Variants in LONP2 observed in about 807,000 individuals in gnomAD.
The protein encoded by LONP2 is lon protease homolog 2, peroxisomal.
Under a neutral mutation model 85.6 loss-of-function variants are expected in LONP2, and 60 were observed. The ratio of observed to expected loss-of-function variants is 0.70; its 90% CI spans 0.57 to 0.87. LONP2 has a LOEUF of 0.87. Among genes scored for constraint, LONP2 ranks in the 40% least tolerant of loss-of-function variants. The probability of loss-of-function intolerance (pLI) is 0.00; values close to 1 mark genes in which losing one functional copy is unlikely to be tolerated. For missense variants in LONP2, 860 were observed against 1,063.5 expected, an observed-to-expected ratio of 0.81 and a Z score of 2.66; for synonymous variants, 395 against 389.7, an observed-to-expected ratio of 1.01 and a Z score of -0.16.
chr16:48,321,586 T>G (rs1157214691), intron 11 of LONP2, among the ~76,000 whole-genome samples: 1 of 152,208 alleles, frequency 6.6e-6, no homozygotes, highest in Non-Finnish European at 1.5e-5. Context: ...TAGAGTGTAC[T>G]TACACAAACC....
Position 48,252,285 on chromosome 16 carries a change from C to G in LONP2, c.388C>G (p.Leu130Val). The stretch of plus-strand genomic sequence containing the variant: ...TGCTGAAGTGGAGCAGTTGGACCGA[C>G]TTGAGGAGTTTCCCAACACCTGTAA... ...PIAEVEQLDRLEEFPNTCKMR... is the reference protein window; with the variant it reads ...PIAEVEQLDRVEEFPNTCKMR... Residue 130 changes from leucine to valine, a missense_variant, in exon 2 of 15, where the codon CTT becomes GTT. Coordinates refer to ENST00000285737, the MANE Select transcript of LONP2 (RefSeq NM_031490.5). The G allele has an allele frequency of 1.9e-6, 3 of 1,614,120 alleles. No homozygotes were observed. The highest frequency in any genetic ancestry group is 1.7e-6 in the Non-Finnish European group (2 of 1,180,000).
intron 11 of LONP2, among the ~76,000 whole-genome samples, chr16:48,307,207 G>A (rs1257790691): frequency 6.6e-6 from 1 of 152,206 alleles, no homozygotes; most frequent in African/African-American, 2.4e-5. Flanking sequence ...TATGGTTTCA[G>A]TCACTTACCT....
intron 9 of LONP2, among the ~76,000 whole-genome samples, chr16:48,298,626 GGTGTGT>G (rs3138605): frequency 0.039 from 5,271 of 134,350 alleles, 102 homozygotes; most frequent in African/African-American, 0.054. Context: ...ATTTAATTGA[GGTGTGT>G]GTGTGTGTGT....
chr16:48,261,485 A>G lies in LONP2; in HGVS notation c.785A>G (p.Asp262Gly). The G allele has an allele frequency of 1.2e-6, 2 of 1,608,952 alleles. No homozygotes were observed. Among genetic ancestry groups the G allele is most frequent in the Non-Finnish European group, 1.7e-6 (2 of 1,177,002 alleles). Reference sequence around the variant, plus strand: ...ATCTCAGGTACTTTAGAAGATGAAGATGAAGATGAAGATAATGATGACATT... The same window carrying G: ...ATCTCAGGTACTTTAGAAGATGAAGGTGAAGATGAAGATAATGATGACATT... ...THISGTLEDEDEDEDNDDIVM... is the reference protein window; with the variant it reads ...THISGTLEDEGEDEDNDDIVM... The change falls in exon 5 of 15, where the codon GAT (aspartate) becomes GGT (glycine). Residue 262 changes from aspartate to glycine, a missense_variant. By Grantham distance (94) the Asp-to-Gly change is moderately conservative. Around this residue, in one of 3 missense-constraint regions of LONP2, gnomAD observed 743 missense variants for 917.3 expected, o/e 0.81. Transcript: ENST00000285737.
At chr16:48,292,437 G>T (rs1359698473) in intron 8 of LONP2, among the ~76,000 whole-genome samples, 1 of 152,156 alleles carries the variant, frequency 6.6e-6, no homozygotes, top group Non-Finnish European at 1.5e-5. Flanking sequence ...GCAGTTCCCA[G>T]CTTGTCTCTT....
At chr16:48,272,507 T>C (rs1271351964) in intron 7 of LONP2, among the ~76,000 whole-genome samples, 2 of 152,158 alleles carry the variant, frequency 1.3e-5, no homozygotes, top group African/African-American at 4.8e-5. Flanking sequence ...ATTAAGAAAA[T>C]TGAGTCTGAA....
chr16:48,321,289 T>G (rs1375791475), intron 11 of LONP2, among the ~76,000 whole-genome samples: 1 of 152,212 alleles, frequency 6.6e-6, no homozygotes, highest in Non-Finnish European at 1.5e-5. Context: ...TTACAAAAGG[T>G]CTCTGCATTT....
At position 48,318,451 on chromosome 16, in the gene LONP2, G is replaced by A. The variant is rs527280894; in HGVS notation, c.1795+15146G>A. On this transcript the variant is annotated intron_variant, in intron 11 of 14. Transcript: ENST00000285737. ...GGAGGATCATTTGAACCTGGGAGGCGGGGATTGCAGTGAGCCGAGATCACA... is the reference window on the plus strand; with the variant it reads ...GGAGGATCATTTGAACCTGGGAGGCAGGGATTGCAGTGAGCCGAGATCACA... 5.9e-5 allele frequency among the ~76,000 whole-genome samples: 9 copies of A among 151,316 alleles called. No homozygotes were observed. The East Asian group carries it at 7.8e-4, about 13-fold the overall frequency.
At chr16:48,347,370 A>T (rs1959997357) in intron 12 of LONP2, 137 bp from the exon 13 acceptor site, 1 of 752,386 alleles carries the variant, frequency 1.3e-6, no homozygotes, top group Non-Finnish European at 2.3e-6. Context: ...TGTGACGCAG[A>T]ATCATGTTAG....
chr16:48,250,972 T>G (rs1971631095), intron 1 of LONP2, among the ~76,000 whole-genome samples: 1 of 152,236 alleles, frequency 6.6e-6, no homozygotes, highest in Non-Finnish European at 1.5e-5. Context: ...TTAAATCAGT[T>G]TTTATTGTAA....
At chr16:48,327,097 T>C (rs946607752) in intron 11 of LONP2, among the ~76,000 whole-genome samples, 6 of 152,236 alleles carry the variant, frequency 3.9e-5, no homozygotes, top group Non-Finnish European at 8.8e-5. Context: ...CCACAGTCCA[T>C]GCTGTGAGTG....
intron 11 of LONP2, among the ~76,000 whole-genome samples, chr16:48,331,566 CTTTT>C (rs1022632125): frequency 1.4e-5 from 2 of 139,888 alleles, no homozygotes; most frequent in African/African-American, 2.6e-5. Context: ...AAAGGATTTT[CTTTT>C]TTTTTTTTTT....
chr16:48,255,868 G>A (rs1390550086), intron 2 of LONP2, among the ~76,000 whole-genome samples: 2 of 152,098 alleles, frequency 1.3e-5, no homozygotes, highest in African/African-American at 4.8e-5. Context: ...GTGGAACTGT[G>A]AGTCCATTAA....
At chr16:48,333,641 C>T (rs1232486916) in intron 11 of LONP2, among the ~76,000 whole-genome samples, 1 of 136,566 alleles carries the variant, frequency 7.3e-6, no homozygotes, top group African/African-American at 2.8e-5. Context: ...GCACTAGACA[C>T]CATCTCAAAA....
chr16:48,347,129 T>A (rs1959990002), intron 12 of LONP2, among the ~76,000 whole-genome samples: 1 of 152,164 alleles, frequency 6.6e-6, no homozygotes, highest in South Asian at 2.1e-4. Context: ...ACTTCAAGCC[T>A]GGGCAATGGA....
At chr16:48,281,613 A>G (rs1437729408) in intron 8 of LONP2, among the ~76,000 whole-genome samples, 4 of 152,336 alleles carry the variant, frequency 2.6e-5, no homozygotes, top group Admixed American at 1.3e-4. Flanking sequence ...ATATGAATGC[A>G]TATCTCAAAT....
At position 48,277,489 on chromosome 16, in the gene LONP2, G is replaced by A. The variant is rs2150982444; in HGVS notation, c.1383+10G>A. 1 of 1,611,844 alleles carries A rather than the reference G, an allele frequency of 6.2e-7. No homozygotes were observed. Among genetic ancestry groups the A allele is most frequent in the Non-Finnish European group, 8.5e-7 (1 of 1,178,904 alleles). ...AGCAGCTCTGCTTGAGGTAAGATTT[G>A]GAAAATTCCCTGTCTGTCTTCATAC... On this transcript the variant is annotated intron_variant, in intron 8 of 14. Transcript: ENST00000285737.
chr16:48,244,364 G>A lies in LONP2; in HGVS notation c.-25G>A, dbSNP rs774550050. 8.7e-6 allele frequency: 13 copies of A among 1,494,484 alleles called. No individual in the cohort carries two copies. The Admixed American group carries it at 1.0e-4, about 12-fold the overall frequency. 92.6% of individuals were successfully genotyped at this position (1,494,484 alleles called of 1,614,324 possible). ...GCTGTCTGTCTGGCTCTTTTTGACA[G>A]CCCCCAGTGCGAAAGGCTGCCAGCA... On this transcript the variant is annotated 5_prime_UTR_variant, in exon 1 of 15. Transcript: ENST00000285737.
At chr16:48,299,886 C>A in intron 10 of LONP2, 98 bp downstream of exon 10, 1 of 1,285,830 alleles carries the variant, frequency 7.8e-7, no homozygotes, top group Non-Finnish European at 1.1e-6. Flanking sequence ...TTGAGTTTTT[C>A]ATCTTTTGAG....
Sources: gnomAD v4.1 joint callset for allele counts (sites outside exome capture counted in the v4.1 genomes callset) on GRCh38, gnomAD v4.1.1 for gene constraint, gnomAD v4.1.1 regional missense constraint, MANE v1.5 for transcripts, NCBI Gene and HGNC (gene_info 2026-07-23, HGNC 2026-07-21) for gene names.